Variants in CADM2 observed in about 807,000 individuals in gnomAD.
CADM2 encodes the protein cell adhesion molecule 2.
CADM2 carries 12 observed loss-of-function variants against 49.8 expected under a neutral mutation model. The observed-to-expected ratio is 0.24, with a 90% confidence interval of 0.15 to 0.39. The LOEUF (loss-of-function observed/expected upper bound fraction) is 0.39, where lower values mean the gene tolerates loss of function less well. Ranked by LOEUF, CADM2 falls within the 10% of genes least tolerant of loss-of-function variation. The pLI, the probability that CADM2 is intolerant of heterozygous loss-of-function variation, is 1.00. For missense variants in CADM2, 378 were observed against 492.3 expected (o/e 0.77, Z 2.20); for synonymous variants, 214 against 175.4 (o/e 1.22, Z -1.74).
intron 1 of CADM2, among the ~76,000 whole-genome samples, chr3:85,368,662 G>A (rs1485703975): frequency 6.6e-6 from 1 of 151,760 alleles, no homozygotes; most frequent in African/African-American, 2.4e-5. Context: ...TTCTAGAAAT[G>A]TAAGTTTTAA....
At chr3:85,152,470 G>A (rs769965962) in intron 1 of CADM2, among the ~76,000 whole-genome samples, 16 of 152,092 alleles carry the variant, frequency 1.1e-4, no homozygotes, top group South Asian at 2.1e-4. Flanking sequence ...TGCTTGAAAC[G>A]CTTCATCCCA....
intron 6 of CADM2, among the ~76,000 whole-genome samples, chr3:85,913,343 G>A (rs1348887461): frequency 1.3e-5 from 2 of 152,052 alleles, no homozygotes; most frequent in African/African-American, 2.4e-5. Flanking sequence ...AAGAATAGAG[G>A]ATAGGAGATA....
chr3:85,759,799 T>G (rs139638775), intron 2 of CADM2, among the ~76,000 whole-genome samples: 13 of 152,236 alleles, frequency 8.5e-5, no homozygotes, highest in African/African-American at 2.9e-4. Flanking sequence ...ACTGGGGACC[T>G]TGGGGACATT....
intron 1 of CADM2, among the ~76,000 whole-genome samples, chr3:85,435,179 C>A (rs917965823): frequency 6.6e-6 from 1 of 152,038 alleles, no homozygotes; most frequent in African/African-American, 2.4e-5. Flanking sequence ...ACCCACACAA[C>A]CCCCAATAGG....
intron 5 of CADM2, among the ~76,000 whole-genome samples, chr3:85,897,231 T>A (rs1450529354): frequency 7.1e-6 from 1 of 141,158 alleles, no homozygotes; most frequent in African/African-American, 2.6e-5. Context: ...ATAATTGCTT[T>A]AACCTACATC....
intron 1 of CADM2, among the ~76,000 whole-genome samples, chr3:85,553,113 A>T (rs1007294395): frequency 6.6e-6 from 1 of 152,200 alleles, no homozygotes; most frequent in Non-Finnish European, 1.5e-5. Context: ...TTAAATAAAT[A>T]AAAAATACTA....
At chr3:85,053,638 G>T (rs1220702755) in intron 1 of CADM2, among the ~76,000 whole-genome samples, 2 of 151,854 alleles carry the variant, frequency 1.3e-5, no homozygotes, top group South Asian at 2.1e-4. Flanking sequence ...AAGCAAAAAG[G>T]CCCATTCTAC....
At chr3:85,397,448 G>T (rs568337697) in intron 1 of CADM2, among the ~76,000 whole-genome samples, 1 of 152,184 alleles carries the variant, frequency 6.6e-6, no homozygotes, top group East Asian at 1.9e-4. Context: ...TAGCAGGATT[G>T]TTCACAATAG....
At chr3:85,413,792 G>A (rs566249886) in intron 1 of CADM2, among the ~76,000 whole-genome samples, 1 of 152,282 alleles carries the variant, frequency 6.6e-6, no homozygotes, top group Non-Finnish European at 1.5e-5. Flanking sequence ...GGACACAGAT[G>A]TAAACAGTAT....
At chr3:85,025,178 G>T (rs1239543539) in intron 1 of CADM2, among the ~76,000 whole-genome samples, 1 of 152,024 alleles carries the variant, frequency 6.6e-6, no homozygotes, top group East Asian at 1.9e-4. Context: ...GGTAATTTAT[G>T]TCAAAATGAA....
chr3:85,867,749 A>G lies in CADM2; in HGVS notation c.239-15542A>G, dbSNP rs1335365968. ...ATGGGCCGTTTAAATAGCATTGTAC[A>G]CTTCTTCAGAAAATTGGTATCTGAT... On this transcript the variant is annotated intron_variant, in intron 3 of 9. Coordinates refer to ENST00000383699, the MANE Select transcript of CADM2 (RefSeq NM_001167675.2). 3.3e-5 allele frequency among the ~76,000 whole-genome samples: 5 copies of G among 152,172 alleles called. No individual in the cohort carries two copies. In the South Asian group the frequency reaches 1.0e-3, roughly 32 times the overall value.
At chr3:85,953,036 A>G (rs907175298) in intron 7 of CADM2, among the ~76,000 whole-genome samples, 3 of 150,246 alleles carry the variant, frequency 2.0e-5, no homozygotes, top group Non-Finnish European at 3.0e-5. Flanking sequence ...CCACACCTGT[A>G]CCCCAAACTT....
At chr3:85,482,603 G>A (rs2039259356) in intron 1 of CADM2, among the ~76,000 whole-genome samples, 1 of 151,650 alleles carries the variant, frequency 6.6e-6, no homozygotes, top group Non-Finnish European at 1.5e-5. Context: ...AAACATGTTA[G>A]ATGTGGTGTT....
chr3:85,339,866 A>G (rs1176867507), intron 1 of CADM2, among the ~76,000 whole-genome samples: 1 of 151,422 alleles, frequency 6.6e-6, no homozygotes, highest in Non-Finnish European at 1.5e-5. Flanking sequence ...CAATAGACAA[A>G]ACATCTTTGC....
At chr3:85,652,669 T>TGGAAAA (rs2065076402) in intron 1 of CADM2, among the ~76,000 whole-genome samples, 4 of 151,094 alleles carry the variant, frequency 2.6e-5, no homozygotes, top group Admixed American at 1.3e-4. Flanking sequence ...GGGAAAGAAA[T>TGGAAAA]GGAAAATGAA....
chr3:85,249,722 T>A (rs184580966), intron 1 of CADM2, among the ~76,000 whole-genome samples: 14 of 152,058 alleles, frequency 9.2e-5, no homozygotes, highest in East Asian at 3.9e-4. Context: ...GCAAATTTTT[T>A]AAAAATCTAT....
intron 1 of CADM2, among the ~76,000 whole-genome samples, chr3:85,223,512 G>A (rs535753252): frequency 2.6e-5 from 4 of 152,144 alleles, no homozygotes; most frequent in Admixed American, 6.5e-5. Flanking sequence ...TATTTATCCC[G>A]GAGTAGGACA....
At chr3:85,482,351 C>T (rs1411871721) in intron 1 of CADM2, among the ~76,000 whole-genome samples, 6 of 151,768 alleles carry the variant, frequency 4.0e-5, no homozygotes, top group Middle Eastern at 3.2e-3. Context: ...CATCTGAATA[C>T]ACTATAATAG....
intron 1 of CADM2, among the ~76,000 whole-genome samples, chr3:85,124,820 G>A (rs1342420148): frequency 6.6e-6 from 1 of 152,090 alleles, no homozygotes; most frequent in Non-Finnish European, 1.5e-5. Context: ...AATATCTCAT[G>A]TAATTTATTA....
Sources: allele counts gnomAD v4.1 joint callset (sites outside exome capture counted in the v4.1 genomes callset), GRCh38; gene constraint gnomAD v4.1.1; transcripts MANE v1.5; gene names NCBI Gene and HGNC (gene_info 2026-07-23, HGNC 2026-07-21).